The following PALS2 variants were observed in gnomAD, a reference collection of about 807,000 sequenced individuals.
The protein encoded by PALS2 is protein associated with LIN7 2, MAGUK p55 family member, also known as protein PALS2.
A neutral mutation model predicts 61.6 loss-of-function variants in PALS2; 27 were observed. That is an observed-to-expected ratio of 0.44 (90% CI 0.32 to 0.60). The LOEUF is 0.60. PALS2 is among the 20% of genes least tolerant of loss of function. PALS2 has a pLI of 0.05. For synonymous variants in PALS2, 236 were observed against 218.6 expected, an observed-to-expected ratio of 1.08 and a Z score of -0.70; for missense variants, 554 against 639.4, an observed-to-expected ratio of 0.87 and a Z score of 1.44.
At chr7:24,599,109 CAT>C (rs1439946075) in intron 1 of PALS2, among the ~76,000 whole-genome samples, 9 of 152,250 alleles carry the variant, frequency 5.9e-5, no homozygotes, top group South Asian at 2.1e-4. Context: ...ATCGTGCAAA[CAT>C]AGAGAGTACT....
chr7:24,646,677 G>A (rs1459165757), intron 3 of PALS2, among the ~76,000 whole-genome samples: 2 of 152,144 alleles, frequency 1.3e-5, no homozygotes, highest in African/African-American at 4.8e-5. Context: ...AGAATTAGTT[G>A]GGGAGGAGTT....
At chr7:24,625,464 T>C (rs1784701047) in intron 2 of PALS2, among the ~76,000 whole-genome samples, 1 of 152,202 alleles carries the variant, frequency 6.6e-6, no homozygotes, top group Non-Finnish European at 1.5e-5. Flanking sequence ...ACTTTTGAAT[T>C]GAAAAGTAAG....
chr7:24,643,752 C>A (rs1375562768), intron 3 of PALS2, among the ~76,000 whole-genome samples: 1 of 152,110 alleles, frequency 6.6e-6, no homozygotes, highest in Non-Finnish European at 1.5e-5. Context: ...TTAGTTACTT[C>A]CCTGTGGTGT....
chr7:24,587,028 G>T (rs1783091951), intron 1 of PALS2, among the ~76,000 whole-genome samples: 2 of 133,868 alleles, frequency 1.5e-5, no homozygotes, highest in African/African-American at 5.3e-5. Context: ...CTTGTTTAAA[G>T]GATTTTTTTT....
At chr7:24,649,863 T>G in intron 4 of PALS2, 99 bp downstream of exon 4, 1 of 1,159,106 alleles carries the variant, frequency 8.6e-7, no homozygotes, top group Non-Finnish European at 1.2e-6. Flanking sequence ...TTCATAATGT[T>G]ATGAAAACTG....
At chr7:24,632,967 G>T (rs1463760848) in intron 2 of PALS2, among the ~76,000 whole-genome samples, 2 of 151,586 alleles carry the variant, frequency 1.3e-5, no homozygotes, top group South Asian at 2.1e-4. Flanking sequence ...ATACACTTTC[G>T]AATAACATCA....
Position 24,641,738 on chromosome 7 carries a change from C to T in PALS2, c.140C>T (p.Ser47Phe). Reference protein sequence around the residue: ...LAKAHERLEDSKLEAVSDNNL... With the variant: ...LAKAHERLEDFKLEAVSDNNL... ...CAGGCTCATGAGAGGCTAGAAGATT[C>T]CAAACTAGAAGCTGTCAGTGACAAT... Residue 47 changes from serine to phenylalanine, a missense_variant, in exon 3 of 12, where the codon TCC becomes TTC. By Grantham distance (155) the Ser-to-Phe change is radical (BLOSUM62 -2). Transcript: ENST00000222644. 6.2e-7 allele frequency: 1 copy of T among 1,610,868 alleles called. No homozygotes were observed. Among genetic ancestry groups the T allele is most frequent in the Non-Finnish European group, 8.5e-7 (1 of 1,178,524 alleles).
chr7:24,680,600 A>G (rs570164996), intron 11 of PALS2, 80 bp downstream of exon 11: 3 of 1,438,424 alleles, frequency 2.1e-6, no homozygotes, highest in Non-Finnish European at 2.8e-6. Context: ...ATTTATTTTT[A>G]TTTATTTATT....
chr7:24,639,673 CTT>C (rs771109602), intron 2 of PALS2, among the ~76,000 whole-genome samples: 2 of 143,098 alleles, frequency 1.4e-5, no homozygotes, highest in Admixed American at 7.0e-5. Context: ...AGATTATTTT[CTT>C]TTTTTTTTTT....
chr7:24,665,152 A>G (rs1014681399), intron 6 of PALS2, among the ~76,000 whole-genome samples: 2 of 152,208 alleles, frequency 1.3e-5, no homozygotes, highest in Non-Finnish European at 2.9e-5. Context: ...ATAAATTAAA[A>G]TCTACACTTT....
At chr7:24,684,433 T>TAA (rs1788093283) in intron 11 of PALS2, among the ~76,000 whole-genome samples, 1 of 152,238 alleles carries the variant, frequency 6.6e-6, no homozygotes, top group African/African-American at 2.4e-5. Context: ...ACTTGGCTTC[T>TAA]GAGTCTTTTT....
At chr7:24,632,330 A>T (rs1233838123) in intron 2 of PALS2, among the ~76,000 whole-genome samples, 1 of 152,154 alleles carries the variant, frequency 6.6e-6, no homozygotes, top group Non-Finnish European at 1.5e-5. Context: ...ATCTCTCTAT[A>T]TCTTTGTATT....
chr7:24,607,263 T>G (rs1441023557), intron 1 of PALS2, among the ~76,000 whole-genome samples: 1 of 152,154 alleles, frequency 6.6e-6, no homozygotes, highest in East Asian at 1.9e-4. Context: ...GTCCTCAGCA[T>G]TTATACTGGA....
intron 1 of PALS2, among the ~76,000 whole-genome samples, chr7:24,598,350 G>A (rs1028523532): frequency 6.6e-6 from 1 of 152,084 alleles, no homozygotes; most frequent in African/African-American, 2.4e-5. Context: ...TTTTCAAAAC[G>A]TACCCAGCTC....
intron 1 of PALS2, among the ~76,000 whole-genome samples, chr7:24,599,947 A>G (rs1170237096): frequency 1.3e-5 from 2 of 152,106 alleles, no homozygotes; most frequent in South Asian, 2.1e-4. Context: ...GTCCCACTGG[A>G]AAGTCTTCAG....
chr7:24,645,908 G>A (rs1034364374), intron 3 of PALS2, among the ~76,000 whole-genome samples: 6 of 151,932 alleles, frequency 3.9e-5, no homozygotes, highest in African/African-American at 1.5e-4. Context: ...TTCTGATTTG[G>A]CTCTTCCTTT....
At chr7:24,604,664 A>G (rs954860321) in intron 1 of PALS2, among the ~76,000 whole-genome samples, 2 of 152,220 alleles carry the variant, frequency 1.3e-5, no homozygotes, top group Non-Finnish European at 2.9e-5. Flanking sequence ...AAATAAGCAC[A>G]CTATACCCTA....
chr7:24,607,943 G>C (rs1308843327), intron 1 of PALS2, among the ~76,000 whole-genome samples: 2 of 151,936 alleles, frequency 1.3e-5, no homozygotes, highest in Non-Finnish European at 2.9e-5. Context: ...TGTCTAAAAG[G>C]CTAGAAAGAG....
chr7:24,661,216 G>A (rs12700539), intron 5 of PALS2, among the ~76,000 whole-genome samples: 20,438 of 151,922 alleles, frequency 0.13, 1,853 homozygotes, highest in East Asian at 0.47. Flanking sequence ...ATTACAAAAT[G>A]GTTAGATCAA....
Sources: allele counts gnomAD v4.1 joint callset (sites outside exome capture counted in the v4.1 genomes callset), GRCh38; gene constraint gnomAD v4.1.1; transcripts MANE v1.5; gene names NCBI Gene and HGNC (gene_info 2026-07-23, HGNC 2026-07-21).